SLC24A1: variants seen among roughly 807,000 people sequenced by gnomAD.
The protein encoded by SLC24A1 is sodium/potassium/calcium exchanger 1.
SLC24A1 carries 52 observed loss-of-function variants against 88.1 expected under a neutral mutation model. The ratio of observed to expected loss-of-function variants is 0.59; its 90% CI spans 0.47 to 0.74. The LOEUF (loss-of-function observed/expected upper bound fraction) is 0.74. SLC24A1 is among the 30% of genes least tolerant of loss of function. The pLI is 0.00. For missense variants in SLC24A1, 1,173 were observed against 1,363.3 expected (o/e 0.86, Z 2.20); for synonymous variants, 455 against 498.0 (o/e 0.91, Z 1.15).
chr15:65,625,505 G>C lies in SLC24A1; in HGVS notation c.1425G>C (p.Glu475Asp). 3 of 1,614,038 alleles carry C rather than the reference G, an allele frequency of 1.9e-6. No homozygotes were observed. Among genetic ancestry groups the C allele is most frequent in the Non-Finnish European group, 1.7e-6 (2 of 1,179,902 alleles). The change falls in exon 2 of 10, where the codon GAG (glutamate) becomes GAC (aspartate). Residue 475 changes from glutamate to aspartate, a missense_variant. Physicochemically the swap from Glu to Asp is conservative, Grantham distance 45 (BLOSUM62 2). Transcript: ENST00000261892. ...VFVALAIVCD[E>D]YFVPALGVIT... ...TGGCCTTGGCCATTGTTTGCGACGA[G>C]TACTTCGTTCCAGCCCTGGGTGTCA...
chr15:65,630,319 A>C (rs1048387207), intron 2 of SLC24A1, among the ~76,000 whole-genome samples: 4 of 152,108 alleles, frequency 2.6e-5, no homozygotes, highest in Admixed American at 6.5e-5. Context: ...AAATTAAACC[A>C]ATCAACAAGA....
Position 65,624,410 on chromosome 15 carries a change from T to C in SLC24A1, c.330T>C (p.Asn110=), listed in dbSNP as rs1487502298. The C allele has an allele frequency of 6.2e-7, 1 of 1,613,162 alleles. No homozygotes were observed. Among genetic ancestry groups the C allele is most frequent in the Non-Finnish European group, 8.5e-7 (1 of 1,179,618 alleles). Residue 110 remains asparagine, a synonymous_variant, in exon 2 of 10, where the codon AAT becomes AAC. Coordinates refer to ENST00000261892, the MANE Select transcript of SLC24A1 (RefSeq NM_004727.3). ...CAACACTGAGCATGACAGTGGAGAATATCCCCAGTATGCCTAAAAGAACAG... is the reference window on the plus strand; with the variant it reads ...CAACACTGAGCATGACAGTGGAGAACATCCCCAGTATGCCTAAAAGAACAG... ...DEATLSMTVE[N]IPSMPKRTAK...
rs752983626 is a variant in SLC24A1, at chr15:65,650,392, C to A, written c.2243C>A (p.Ala748Asp). 6.4e-7 allele frequency: 1 copy of A among 1,550,896 alleles called. No individual in the cohort carries two copies. The highest frequency in any genetic ancestry group is 8.7e-7 in the Non-Finnish European group (1 of 1,146,408). Residue 748 changes from alanine to aspartate, a missense_variant, in exon 7 of 10, where the codon GCT (alanine) becomes GAT (aspartate). Coordinates refer to ENST00000261892, the MANE Select transcript of SLC24A1 (RefSeq NM_004727.3). The surrounding 1 kb of genome is among the most constrained non-coding windows in gnomAD (Gnocchi z 4.1). ...GGTTTTGGATTGCAGGAAGATGTGG[C>A]TGAGGCCGAGAGCACAGGTGAAATG... The part of the protein sequence containing the change: ...KENPGGQEDV[A>D]EAESTGEMPG...
chr15:65,615,617 G>A (rs2074112936), intron 2 of SLC24A1, among the ~76,000 whole-genome samples: 1 of 151,986 alleles, frequency 6.6e-6, no homozygotes, highest in Admixed American at 6.5e-5. Context: ...GGAGGTGGAG[G>A]TTGCAGTGAA....
intron 2 of SLC24A1, among the ~76,000 whole-genome samples, chr15:65,613,437 C>T (rs1267065086): frequency 1.3e-5 from 2 of 151,864 alleles, no homozygotes; most frequent in East Asian, 1.9e-4. Context: ...AATTTCATGA[C>T]TTCGTGCTTG....
chr15:65,642,017 A>C (rs2075144946), intron 4 of SLC24A1, among the ~76,000 whole-genome samples: 1 of 152,138 alleles, frequency 6.6e-6, no homozygotes, highest in African/African-American at 2.4e-5. Context: ...ATGCTGGTAC[A>C]TTGTCTCTGG....
At position 65,625,279 on chromosome 15, in the gene SLC24A1, C is replaced by T. The variant is rs766341132; in HGVS notation, c.1199C>T (p.Thr400Ile). The change falls in exon 2 of 10, where the codon ACC becomes ATC. Residue 400 changes from threonine to isoleucine, a missense_variant. Coordinates refer to ENST00000261892, the MANE Select transcript of SLC24A1 (RefSeq NM_004727.3). Reference sequence around the variant, plus strand: ...CATCACTGTGTGGTTGTGAAGCCAACCCCAGCCATGCTCACCACTCCCTCC... The same window carrying T: ...CATCACTGTGTGGTTGTGAAGCCAATCCCAGCCATGCTCACCACTCCCTCC... ...QVHHCVVVKP[T>I]PAMLTTPSPS... 1.2e-6 allele frequency: 2 copies of T among 1,613,992 alleles called. No homozygotes were observed. Among genetic ancestry groups the T allele is most frequent in the South Asian group, 1.1e-5 (1 of 91,080 alleles).
At chr15:65,635,115 A>G (rs1284394848) in intron 2 of SLC24A1, among the ~76,000 whole-genome samples, 3 of 152,186 alleles carry the variant, frequency 2.0e-5, no homozygotes, top group South Asian at 2.1e-4. Context: ...GGCAAAGATC[A>G]GTCTCTCCTA....
intron 2 of SLC24A1, among the ~76,000 whole-genome samples, chr15:65,628,068 C>T (rs1394084405): frequency 6.6e-6 from 1 of 152,044 alleles, no homozygotes; most frequent in East Asian, 1.9e-4. Context: ...TCAAGCAATC[C>T]CCACCTCAGC....
chr15:65,648,185 G>A (rs1164885109), intron 6 of SLC24A1, among the ~76,000 whole-genome samples: 2 of 152,050 alleles, frequency 1.3e-5, no homozygotes, highest in East Asian at 1.9e-4. Flanking sequence ...GCGTGAACCC[G>A]GGAGGCGGAG....
chr15:65,612,900 A>G (rs1352271545), intron 2 of SLC24A1, among the ~76,000 whole-genome samples: 1 of 152,236 alleles, frequency 6.6e-6, no homozygotes, highest in Non-Finnish European at 1.5e-5. Context: ...GCAAAAAATC[A>G]ATATATTAAA....
chr15:65,631,574 C>G (rs556300413), intron 2 of SLC24A1, among the ~76,000 whole-genome samples: 1 of 152,106 alleles, frequency 6.6e-6, no homozygotes, highest in East Asian at 1.9e-4. Flanking sequence ...GAAGAGGGAA[C>G]AGCATTTGCA....
chr15:65,638,545 A>G (rs16948889), intron 3 of SLC24A1, among the ~76,000 whole-genome samples: 34,954 of 152,140 alleles, frequency 0.23, 4,717 homozygotes, highest in African/African-American at 0.38. Context: ...TATAAAAGCC[A>G]GATTACCTAT....
rs748403532 is a variant in SLC24A1 at position 65,644,552 on chromosome 15, C to G, written c.2140+39C>G. The G allele has an allele frequency of 5.7e-6, 8 of 1,398,250 alleles. No individual in the cohort carries two copies. The Admixed American group carries it at 1.2e-4, about 21-fold the overall frequency. The allele number at this position is 1,398,250 out of a possible 1,614,324, so 86.6% of individuals were successfully genotyped here. On this transcript the variant is annotated intron_variant, in intron 5 of 9. Coordinates refer to ENST00000261892, the MANE Select transcript of SLC24A1 (RefSeq NM_004727.3). Reference sequence around the variant, plus strand: ...CAGACCAGTGGGTTTTCTCCTGCCCCCCTCTCCCTGCTGTCAGTAGTGAGC... The same window carrying G: ...CAGACCAGTGGGTTTTCTCCTGCCCGCCTCTCCCTGCTGTCAGTAGTGAGC...
intron 2 of SLC24A1, among the ~76,000 whole-genome samples, chr15:65,636,048 G>A (rs1454193599): frequency 6.6e-6 from 1 of 152,226 alleles, no homozygotes; most frequent in African/African-American, 2.4e-5. Flanking sequence ...AACAAAGAAG[G>A]GAGTGTAGCA....
rs1368267921 is a variant in SLC24A1 at position 65,656,236 on chromosome 15, A to T, written c.*2157A>T. On this transcript the variant is annotated 3_prime_UTR_variant, in exon 10 of 10. Coordinates refer to ENST00000261892, the MANE Select transcript of SLC24A1 (RefSeq NM_004727.3). ...AAAAGGCTGAAATATCCACTGAATG[A>T]TTAAAACCAACTCTAATAATCTGAC... 1 of 985,000 alleles carries T rather than the reference A, an allele frequency of 1.0e-6. No individual in the cohort carries two copies. The highest frequency in any genetic ancestry group is 1.2e-6 in the Non-Finnish European group (1 of 829,618). The allele number at this position is 985,000 out of a possible 1,614,324, so 61.0% of individuals were successfully genotyped here. A position where few individuals can be genotyped will look rare whatever the true frequency, so the allele number is the denominator to read the frequency against.
chr15:65,654,084 G>T lies in SLC24A1; in HGVS notation c.*5G>T. 1.2e-6 allele frequency: 2 copies of T among 1,610,698 alleles called. No homozygotes were observed. The highest frequency in any genetic ancestry group is 1.7e-6 in the Non-Finnish European group (2 of 1,177,474). ...TCCTGTCCTGTATCTGTCTGAATCA[G>T]TCACTCTTGCTCACAATGGGCATGG... On this transcript the variant is annotated 3_prime_UTR_variant, in exon 10 of 10. Coordinates refer to ENST00000261892, the MANE Select transcript of SLC24A1 (RefSeq NM_004727.3).
chr15:65,660,009 C>T (rs568645235), downstream of SLC24A1: 98 of 341,480 alleles, frequency 2.9e-4, no homozygotes, highest in East Asian at 4.9e-4. Flanking sequence ...GAACCCCAGA[C>T]GGTTCTCTTG....
At position 65,624,760 on chromosome 15, in the gene SLC24A1, C is replaced by A. The variant is rs745538799; in HGVS notation, c.680C>A (p.Ala227Glu). ...ACAGTGAAAGACAGTGACATTACAGCAACCTATAAAATACTCGAAACCAAC... is the reference window on the plus strand; with the variant it reads ...ACAGTGAAAGACAGTGACATTACAGAAACCTATAAAATACTCGAAACCAAC... ...RTTVKDSDIT[A>E]TYKILETNSL... is the part of the protein sequence containing the mutation. Residue 227 changes from alanine to glutamate, a missense_variant, in exon 2 of 10, where the codon GCA (alanine) becomes GAA (glutamate). By Grantham distance (107) the Ala-to-Glu change is moderately radical. Transcript: ENST00000261892. 3 of 1,613,722 alleles carry A rather than the reference C, an allele frequency of 1.9e-6. No individual in the cohort carries two copies. Among genetic ancestry groups the A allele is most frequent in the South Asian group, 1.1e-5 (1 of 91,066 alleles).
Sources: gnomAD v4.1 joint callset for allele counts (sites outside exome capture counted in the v4.1 genomes callset) on GRCh38, gnomAD v4.1.1 for gene constraint, Gnocchi (gnomAD v3.1) non-coding constraint, MANE v1.5 for transcripts, NCBI Gene and HGNC (gene_info 2026-07-23, HGNC 2026-07-21) for gene names.